Variants in CMC2 observed in about 807,000 individuals in gnomAD.
CMC2 encodes C-X9-C motif containing 2, also known as COX assembly mitochondrial protein 2 homolog.
A neutral mutation model predicts 7.5 loss-of-function variants in CMC2; 5 were observed. That is an observed-to-expected ratio of 0.66 (90% CI 0.35 to 1.40). The LOEUF (loss-of-function observed/expected upper bound fraction) is 1.40, where lower values mean the gene tolerates loss of function less well. CMC2 is among the 40% of genes most tolerant of loss of function. The pLI, the probability that CMC2 is intolerant of heterozygous loss-of-function variation, is 0.04. For missense variants in CMC2, 115 were observed against 92.3 expected (o/e 1.25, Z -1.01); for synonymous variants, 37 against 31.4 (o/e 1.18, Z -0.60).
intron 2 of CMC2, among the ~76,000 whole-genome samples, chr16:80,988,748 T>C (rs1034932016): frequency 2.0e-5 from 3 of 152,122 alleles, no homozygotes; most frequent in Admixed American, 6.5e-5. Flanking sequence ...AAAAGTTGGG[T>C]GGGTTTTTTT....
chr16:80,978,428 G>A (rs74028885), intron 3 of CMC2: 1 of 1,236,460 alleles, frequency 8.1e-7, no homozygotes, highest in South Asian at 1.3e-5. Context: ...GAATAAAAGG[G>A]GAGAAAAGGA....
At chr16:81,004,637 A>G (rs1180007651) in intron 1 of CMC2, among the ~76,000 whole-genome samples, 1 of 152,240 alleles carries the variant, frequency 6.6e-6, no homozygotes, top group African/African-American at 2.4e-5. Flanking sequence ...ATAGCTAGCT[A>G]AGGGGCCCAT....
chr16:80,980,620 T>C, intron 3 of CMC2: 1 of 394,264 alleles, frequency 2.5e-6, no homozygotes, highest in Non-Finnish European at 4.5e-6. Flanking sequence ...CTGGGAATGG[T>C]GACTCATGTC....
chr16:80,994,322 C>T (rs1430354892), intron 2 of CMC2, among the ~76,000 whole-genome samples: 1 of 151,522 alleles, frequency 6.6e-6, no homozygotes, highest in Non-Finnish European at 1.5e-5. Context: ...ATCTTTGTGA[C>T]CACAGAATAC....
chr16:80,975,906 C>T lies in CMC2; in HGVS notation c.*187G>A, dbSNP rs536460700. The stretch of plus-strand genomic sequence containing the variant: ...GTCAGGTTTGCTGGTAAAGGGGAGA[C>T]AGTACTAAACGCCCTGCCCAACAAA... On this transcript the variant is annotated 3_prime_UTR_variant, in exon 4 of 4. Coordinates refer to ENST00000219400, the MANE Select transcript of CMC2 (RefSeq NM_020188.5). 28 of 526,952 alleles carry T rather than the reference C, an allele frequency of 5.3e-5. No individual in the cohort carries two copies. The Middle Eastern group carries it at 1.5e-3, about 29-fold the overall frequency. The allele number at this position is 526,952 out of a possible 1,614,324, so 32.6% of individuals were successfully genotyped here. A position where few individuals can be genotyped will look rare whatever the true frequency, so the allele number is the denominator to read the frequency against.
chr16:80,976,317 T>A (rs1597206427), intron 3 of CMC2, 138 bp from the exon 4 acceptor site: 1 of 576,420 alleles, frequency 1.7e-6, no homozygotes, highest in African/African-American at 1.9e-5. Context: ...AACATGTTCT[T>A]ACTGACAAAA....
chr16:80,978,449 G>A (rs1319338590), intron 3 of CMC2: 4 of 1,126,868 alleles, frequency 3.5e-6, no homozygotes, highest in South Asian at 1.3e-5. Flanking sequence ...TGAATATGAA[G>A]TTACTCACAA....
chr16:80,966,602 T>A lies in CMC2; in HGVS notation c.*9491A>T, dbSNP rs1911569081. 2 of 152,220 alleles carry A rather than the reference T, an allele frequency of 1.3e-5. No individual in the cohort carries two copies. Among genetic ancestry groups the A allele is most frequent in the African/African-American group, 4.8e-5 (2 of 41,454 alleles). 9.4% of individuals were successfully genotyped at this position (152,220 alleles called of 1,614,324 possible). ...TAATACCAATTTCAAAACAATATTA[T>A]TTTTATTATAAAGTTTTACTTTTTT... is the stretch of plus-strand genomic sequence containing the variant. On this transcript the variant is annotated 3_prime_UTR_variant, in exon 4 of 4. Coordinates refer to ENST00000219400, the MANE Select transcript of CMC2 (RefSeq NM_020188.5).
At chr16:81,003,831 T>G (rs1334235714) in intron 1 of CMC2, among the ~76,000 whole-genome samples, 5 of 152,242 alleles carry the variant, frequency 3.3e-5, no homozygotes, top group Non-Finnish European at 7.3e-5. Flanking sequence ...ACTCACAAGT[T>G]ACATCATTTT....
intron 3 of CMC2, 107 bp from the exon 4 acceptor site, chr16:80,976,286 T>C (rs1912338243): frequency 3.2e-6 from 2 of 618,972 alleles, no homozygotes; most frequent in Non-Finnish European, 5.6e-6. Context: ...CCTTTGAGGT[T>C]AACAGGGTTT....
Position 80,971,599 on chromosome 16 carries a change from C to CATATATATATATATATATATATAT in CMC2, c.*4493_*4494insATATATATATATATATATATATAT, listed in dbSNP as rs947816734. ...ATATATATATATGTATGAAATCATG[C>CATATATATATATATATATATATAT]ATATATATATATGTATGAAATCATG... On this transcript the variant is annotated 3_prime_UTR_variant, in exon 4 of 4. Transcript: ENST00000219400. The CATATATATATATATATATATATAT allele has an allele frequency of 3.8e-4, 43 of 113,202 alleles. No individual in the cohort carries two copies. Among genetic ancestry groups the CATATATATATATATATATATATAT allele is most frequent in the Middle Eastern group, 4.3e-3 (1 of 234 alleles). 7.0% of individuals were successfully genotyped at this position (113,202 alleles called of 1,614,324 possible). A position where few individuals can be genotyped will look rare whatever the true frequency, so the allele number is the denominator to read the frequency against.
At position 80,972,075 on chromosome 16, in the gene CMC2, G is replaced by A. The variant is rs1284882293; in HGVS notation, c.*4018C>T. ...GACTAGAGCTTAGAGGACAGAAATG[G>A]CCCCACAGGCCTCTAGCCCAGGCCA... On this transcript the variant is annotated 3_prime_UTR_variant, in exon 4 of 4. Transcript: ENST00000219400. 1.3e-5 allele frequency: 2 copies of A among 152,162 alleles called. No homozygotes were observed. Among genetic ancestry groups the A allele is most frequent in the East Asian group, 1.9e-4 (1 of 5,188 alleles). The allele number at this position is 152,162 out of a possible 1,614,324, so 9.4% of individuals were successfully genotyped here. A position where few individuals can be genotyped will look rare whatever the true frequency, so the allele number is the denominator to read the frequency against.
In CMC2 at chr16:80,975,372, G is replaced by C. The variant is rs1292011632; in HGVS notation, c.*721C>G. On this transcript the variant is annotated 3_prime_UTR_variant, in exon 4 of 4. Transcript: ENST00000219400. ...CTCACGCTTGTAATCCCAACACTTT[G>C]GGAGGCTGAAGTGGGCGGATCACCT... 7 of 152,406 alleles carry C rather than the reference G, an allele frequency of 4.6e-5. No individual in the cohort carries two copies. Among genetic ancestry groups the C allele is most frequent in the Non-Finnish European group, 5.9e-5 (4 of 68,088 alleles). 9.4% of individuals were successfully genotyped at this position (152,406 alleles called of 1,614,324 possible).
In CMC2 at chr16:80,973,030, C is replaced by G. The variant is rs1597202345; in HGVS notation, c.*3063G>C. 6.6e-6 allele frequency: 1 copy of G among 152,370 alleles called. No individual in the cohort carries two copies. The highest frequency in any genetic ancestry group is 1.9e-4 in the East Asian group (1 of 5,190). 9.4% of individuals were successfully genotyped at this position (152,370 alleles called of 1,614,324 possible). On this transcript the variant is annotated 3_prime_UTR_variant, in exon 4 of 4. Coordinates refer to ENST00000219400, the MANE Select transcript of CMC2 (RefSeq NM_020188.5). ...TGGGAATTCAAAATATTTGGAAATC[C>G]TCAGGAAAAAGTGCGCTTGCTCTAG...
intron 2 of CMC2, among the ~76,000 whole-genome samples, chr16:80,989,214 G>T (rs1259411571): frequency 2.0e-5 from 3 of 152,124 alleles, no homozygotes; most frequent in African/African-American, 7.2e-5. Flanking sequence ...CTAGTATGAG[G>T]ATCTATTAAT....
intron 1 of CMC2, among the ~76,000 whole-genome samples, chr16:81,005,860 G>A (rs1166258466): frequency 1.3e-5 from 2 of 152,228 alleles, no homozygotes; most frequent in East Asian, 3.8e-4. Flanking sequence ...GAACGCACAG[G>A]CTCGTGAGGG....
At chr16:80,981,909 T>C in intron 2 of CMC2, 32 bp from the exon 3 acceptor site, 1 of 1,410,122 alleles carries the variant, frequency 7.1e-7, no homozygotes, top group South Asian at 1.2e-5. Context: ...AAATATTTCA[T>C]CCCATAATAT....
chr16:80,978,196 A>G, intron 3 of CMC2: 1 of 845,402 alleles, frequency 1.2e-6, no homozygotes, highest in Non-Finnish European at 1.4e-6. Context: ...AACGTATTCT[A>G]GAACAAGGAA....
intron 3 of CMC2, chr16:80,980,808 T>A: frequency 1.4e-6 from 1 of 699,692 alleles, no homozygotes. Flanking sequence ...GGTGGGAGGA[T>A]CACTTGAGTT....
Sources: allele counts gnomAD v4.1 joint callset (sites outside exome capture counted in the v4.1 genomes callset), GRCh38; gene constraint gnomAD v4.1.1; transcripts MANE v1.5; gene names NCBI Gene and HGNC (gene_info 2026-07-23, HGNC 2026-07-21).